Variants in WWP2 observed in about 807,000 individuals in gnomAD.
WWP2 encodes the protein NEDD4-like E3 ubiquitin-protein ligase WWP2.
A neutral mutation model predicts 121.0 loss-of-function variants in WWP2; 57 were observed. That is an observed-to-expected ratio of 0.47 (90% CI 0.38 to 0.59). The LOEUF is 0.59. Ranked by LOEUF, WWP2 falls within the 20% of genes least tolerant of loss-of-function variation. The pLI is 0.00. For synonymous variants in WWP2, 449 were observed against 441.3 expected (o/e 1.02, Z -0.22); for missense variants, 962 against 1,158.9 (o/e 0.83, Z 2.47).
At chr16:69,919,273 C>T (rs1300196687) in intron 10 of WWP2, among the ~76,000 whole-genome samples, 1 of 24,122 alleles carries the variant, frequency 4.1e-5, no homozygotes, top group Non-Finnish European at 6.6e-5. Context: ...TCAAGCAATT[C>T]TCCTGCCTCA....
chr16:69,813,920 G>A (rs1279966900), intron 4 of WWP2, among the ~76,000 whole-genome samples: 1 of 152,182 alleles, frequency 6.6e-6, no homozygotes, highest in Non-Finnish European at 1.5e-5. Flanking sequence ...GATAAAGATG[G>A]CATTTAAAAT....
At chr16:69,922,701 A>G (rs1233160910) in intron 10 of WWP2, among the ~76,000 whole-genome samples, 2 of 151,820 alleles carry the variant, frequency 1.3e-5, no homozygotes, top group Non-Finnish European at 1.5e-5. Flanking sequence ...CATAGTTTTT[A>G]TTTTTCATTT....
rs958820531 is a variant in WWP2 at position 69,799,531 on chromosome 16, A to G, written c.340+236A>G. The G allele has an allele frequency of 2.8e-5, 12 of 424,464 alleles. No individual in the cohort carries two copies. Among genetic ancestry groups the G allele is most frequent in the African/African-American group, 2.4e-4 (12 of 49,416 alleles). The allele number at this position is 424,464 out of a possible 1,614,324, so 26.3% of individuals were successfully genotyped here. On this transcript the variant is annotated intron_variant, in intron 4 of 23. Transcript: ENST00000359154. This position sits in a 1 kb window ranked among gnomAD's most constrained non-coding sequence, Gnocchi z 4.5. ...GTGATGCAGTGGTGTGTTGCCCTTT[A>G]TCCTTCCTTAGGGACTGGAAACTTT...
intron 10 of WWP2, chr16:69,924,959 G>T: frequency 1.0e-6 from 1 of 987,898 alleles, no homozygotes; most frequent in Non-Finnish European, 1.2e-6. Context: ...TTGTGGGAAT[G>T]ATTTCATTGG....
chr16:69,768,881 A>G (rs1446414107), intron 1 of WWP2, among the ~76,000 whole-genome samples: 1 of 152,200 alleles, frequency 6.6e-6, no homozygotes, highest in Non-Finnish European at 1.5e-5. Flanking sequence ...GTTTTTCAAT[A>G]TGGGCCTTTG....
chr16:69,765,731 C>G (rs1451935147), intron 1 of WWP2, among the ~76,000 whole-genome samples: 1 of 152,070 alleles, frequency 6.6e-6, no homozygotes, highest in Non-Finnish European at 1.5e-5. Context: ...GGCTGAGGCA[C>G]GAGAATTGCT....
chr16:69,872,804 C>A (rs1299696251), intron 7 of WWP2, among the ~76,000 whole-genome samples: 1 of 152,260 alleles, frequency 6.6e-6, no homozygotes, highest in Non-Finnish European at 1.5e-5. Flanking sequence ...CTTCCCCACA[C>A]TTGGCTCTGC....
intron 5 of WWP2, among the ~76,000 whole-genome samples, chr16:69,840,733 G>A (rs866170049): frequency 2.6e-5 from 4 of 152,180 alleles, no homozygotes; most frequent in South Asian, 2.1e-4. Context: ...TGTCCCGAAT[G>A]TTGGTAGTTT....
Position 69,937,797 on chromosome 16 carries a change from C to G in WWP2, c.2343+145C>G. On this transcript the variant is annotated intron_variant, in intron 21 of 23. Transcript: ENST00000359154. This position sits in a 1 kb window ranked among gnomAD's most constrained non-coding sequence, Gnocchi z 6.6. ...CTTGCAAAAGGAGACGATAGACCAG[C>G]CTTGGGATGAACGGGGACAGTTCCA... 1 of 721,620 alleles carries G rather than the reference C, an allele frequency of 1.4e-6. No homozygotes were observed. The highest frequency in any genetic ancestry group is 1.8e-5 in the South Asian group (1 of 55,802). 44.7% of individuals were successfully genotyped at this position (721,620 alleles called of 1,614,324 possible).
chr16:69,931,844 A>G lies in WWP2; in HGVS notation c.1636A>G (p.Ile546Val), dbSNP rs1157494803. 5 of 1,613,788 alleles carry G rather than the reference A, an allele frequency of 3.1e-6. No individual in the cohort carries two copies. Among genetic ancestry groups the G allele is most frequent in the Non-Finnish European group, 4.2e-6 (5 of 1,180,004 alleles). Residue 546 changes from isoleucine (I) to valine (V), a missense_variant, in exon 16 of 24, where the codon ATC becomes GTC. Around this residue, in one of 3 missense-constraint regions of WWP2, gnomAD observed 606 missense variants for 772.6 expected, o/e 0.78. Coordinates refer to ENST00000359154, the MANE Select transcript of WWP2 (RefSeq NM_001270454.2). ...CTATGACCTGCGCCGCCGGCTCTAC[A>G]TCATCATGCGTGGCGAGGAGGGCCT... The part of the protein sequence containing the change: ...KPYDLRRRLY[I>V]IMRGEEGLDY...
chr16:69,809,051 G>C (rs1308901053), intron 4 of WWP2, among the ~76,000 whole-genome samples: 1 of 152,186 alleles, frequency 6.6e-6, no homozygotes, highest in Non-Finnish European at 1.5e-5. Context: ...AGTTATTTAA[G>C]TGGATGTTTT....
chr16:69,782,681 T>G (rs1168460669), intron 1 of WWP2, among the ~76,000 whole-genome samples: 1 of 152,182 alleles, frequency 6.6e-6, no homozygotes, highest in African/African-American at 2.4e-5. Flanking sequence ...CTAGAAAAAC[T>G]AGCCACTTTA....
intron 17 of WWP2, among the ~76,000 whole-genome samples, chr16:69,934,947 G>T (rs982491494): frequency 3.9e-5 from 6 of 152,192 alleles, no homozygotes; most frequent in South Asian, 2.1e-4. Context: ...CTGGTGCAGG[G>T]TGTAGGGACA....
chr16:69,885,721 G>A (rs1271899093), intron 7 of WWP2, among the ~76,000 whole-genome samples: 1 of 152,216 alleles, frequency 6.6e-6, no homozygotes, highest in Non-Finnish European at 1.5e-5. Context: ...GACCTTGAGA[G>A]GTGTTGTAGC....
intron 9 of WWP2, among the ~76,000 whole-genome samples, chr16:69,913,998 G>A (rs1251830166): frequency 2.0e-5 from 3 of 149,132 alleles, no homozygotes; most frequent in Non-Finnish European, 4.4e-5. Context: ...CTTGAACCTG[G>A]GAGGCAGAGG....
Position 69,931,492 on chromosome 16 carries a change from T to C in WWP2, c.1522-17T>C. 1.2e-6 allele frequency: 2 copies of C among 1,611,912 alleles called. No individual in the cohort carries two copies. The highest frequency in any genetic ancestry group is 1.7e-6 in the Non-Finnish European group (2 of 1,178,790). On this transcript the variant is annotated splice_polypyrimidine_tract_variant and intron_variant, in intron 14 of 23. Coordinates refer to ENST00000359154, the MANE Select transcript of WWP2 (RefSeq NM_001270454.2). ...CTTGAGGCTCGATTTAAAGTTCTTT[T>C]CTTTTTTTTTTTTCAGTCAAATGCC...
chr16:69,776,656 G>A (rs971006419), intron 1 of WWP2, among the ~76,000 whole-genome samples: 6 of 152,112 alleles, frequency 3.9e-5, no homozygotes, highest in Non-Finnish European at 7.4e-5. Flanking sequence ...GAGAAACCCC[G>A]TCTCTACTAA....
At chr16:69,806,166 A>T (rs1013439016) in intron 4 of WWP2, among the ~76,000 whole-genome samples, 8 of 152,166 alleles carry the variant, frequency 5.3e-5, no homozygotes, top group Admixed American at 3.3e-4. Context: ...GTGCCAGTGC[A>T]CTCTAGGCTG....
intron 7 of WWP2, 56 bp from the exon 8 acceptor site, chr16:69,887,983 A>G (rs781220607): frequency 2.8e-5 from 44 of 1,593,556 alleles, no homozygotes; most frequent in Non-Finnish European, 3.4e-5. Context: ...CCTAGCAAGT[A>G]TAAATAAAAT....
Sources: gnomAD v4.1 joint callset for allele counts (sites outside exome capture counted in the v4.1 genomes callset) on GRCh38, gnomAD v4.1.1 for gene constraint, gnomAD v4.1.1 regional missense constraint, Gnocchi (gnomAD v3.1) non-coding constraint, MANE v1.5 for transcripts, NCBI Gene and HGNC (gene_info 2026-07-23, HGNC 2026-07-21) for gene names.